KIF16B: variants seen among roughly 807,000 people sequenced by gnomAD.
KIF16B encodes the protein kinesin-like protein KIF16B.
In KIF16B, 98 loss-of-function variants were observed where a neutral mutation model predicts 156.3. The ratio of observed to expected loss-of-function variants is 0.63; its 90% CI spans 0.53 to 0.74. The LOEUF (loss-of-function observed/expected upper bound fraction) is 0.74, where lower values mean the gene tolerates loss of function less well. KIF16B is among the 30% of genes least tolerant of loss of function. The pLI, the probability that KIF16B is intolerant of heterozygous loss-of-function variation, is 0.00. For synonymous variants in KIF16B, 564 were observed against 583.7 expected (o/e 0.97, Z 0.49); for missense variants, 1,421 against 1,606.5 (o/e 0.88, Z 1.97).
At chr20:16,474,030 A>C (rs891266060) in intron 12 of KIF16B, among the ~76,000 whole-genome samples, 1 of 152,036 alleles carries the variant, frequency 6.6e-6, no homozygotes, top group Non-Finnish European at 1.5e-5. Flanking sequence ...CTCCAAGCTC[A>C]CTCAGTGTTC....
At chr20:16,324,218 T>C (rs1486264082) in intron 24 of KIF16B, among the ~76,000 whole-genome samples, 2 of 151,950 alleles carry the variant, frequency 1.3e-5, no homozygotes, top group Non-Finnish European at 2.9e-5. Flanking sequence ...TGTAACAGAT[T>C]TTTACAGGGA....
chr20:16,313,398 G>C (rs2063650343), intron 24 of KIF16B, among the ~76,000 whole-genome samples: 1 of 152,122 alleles, frequency 6.6e-6, no homozygotes, highest in African/African-American at 2.4e-5. Context: ...TTAAAGACTA[G>C]CATCTGTATA....
intron 15 of KIF16B, among the ~76,000 whole-genome samples, chr20:16,423,474 A>C (rs147442998): frequency 4.5e-4 from 69 of 152,292 alleles, no homozygotes; most frequent in African/African-American, 1.6e-3. Context: ...ACACTCAATC[A>C]GGGGAAAACA....
intron 14 of KIF16B, 33 bp downstream of exon 14, chr20:16,428,920 C>A: frequency 1.3e-6 from 2 of 1,588,424 alleles, no homozygotes; most frequent in Admixed American, 1.7e-5. Context: ...CTTAAAAAAT[C>A]ATTGGGAACA....
In KIF16B at chr20:16,512,913, C is replaced by T. The variant is rs1267493328; in HGVS notation, c.359G>A (p.Gly120Asp). The T allele has an allele frequency of 2.5e-6, 4 of 1,607,724 alleles. No individual in the cohort carries two copies. The highest frequency in any genetic ancestry group is 2.6e-6 in the Non-Finnish European group (3 of 1,174,252). Residue 120 changes from glycine (G) to aspartate (D), a missense_variant, in exon 5 of 26, where the codon GGC becomes GAC. By Grantham distance (94) the Gly-to-Asp change is moderately conservative (BLOSUM62 -1). Coordinates refer to ENST00000354981, the MANE Select transcript of KIF16B (RefSeq NM_024704.5). ...YTMMGNSGDS[G>D]LIPRICEGLF... ...TCCTTCACAGATCCGAGGTATTAAG[C>T]CAGAATCTCCCTGCATGGGAAAGAC...
At chr20:16,503,269 TGTG>T (rs932070295) in intron 10 of KIF16B, among the ~76,000 whole-genome samples, 53 of 152,262 alleles carry the variant, frequency 3.5e-4, no homozygotes, top group African/African-American at 1.2e-3. Flanking sequence ...AAATGACTAT[TGTG>T]GTTCATGTTA....
chr20:16,506,226 C>T, intron 7 of KIF16B, 36 bp from the exon 8 acceptor site: 2 of 1,551,534 alleles, frequency 1.3e-6, no homozygotes, highest in Middle Eastern at 1.7e-4. Context: ...TGAAGAGGTG[C>T]AAAGGGCCCT....
At chr20:16,409,187 T>C (rs1053078484) in intron 15 of KIF16B, among the ~76,000 whole-genome samples, 1 of 151,076 alleles carries the variant, frequency 6.6e-6, no homozygotes, top group Non-Finnish European at 1.5e-5. Context: ...TCAAGGGAGG[T>C]GGTGTCTAAA....
At chr20:16,494,477 C>T in intron 11 of KIF16B, 127 bp from the exon 12 acceptor site, 1 of 581,582 alleles carries the variant, frequency 1.7e-6, no homozygotes, top group Non-Finnish European at 3.0e-6. Context: ...GCGACTTTTA[C>T]CCCTGAAAGA....
chr20:16,513,655 CGT>C (rs541777338), intron 4 of KIF16B, among the ~76,000 whole-genome samples: 10 of 103,220 alleles, frequency 9.7e-5, no homozygotes, highest in Non-Finnish European at 1.6e-4. Flanking sequence ...AGCAAAACTA[CGT>C]TTAAAAAAAA....
At chr20:16,356,261 A>C in intron 23 of KIF16B, 69 bp downstream of exon 23, 2 of 1,592,706 alleles carry the variant, frequency 1.3e-6, no homozygotes, top group East Asian at 2.2e-5. Flanking sequence ...CTTTTGAAAA[A>C]ATAAAGACAG....
chr20:16,324,001 T>TA (rs1183800551), intron 24 of KIF16B, among the ~76,000 whole-genome samples: 5 of 152,114 alleles, frequency 3.3e-5, no homozygotes, highest in African/African-American at 1.2e-4. Context: ...CCAGTGAACG[T>TA]AAACTTGAGG....
chr20:16,368,306 G>A (rs1568894060), intron 22 of KIF16B: 3 of 995,262 alleles, frequency 3.0e-6, no homozygotes, highest in East Asian at 1.1e-4. Flanking sequence ...GCCCGGTAAG[G>A]CGCCGCACCC....
rs111706529 is a variant in KIF16B, at chr20:16,277,917, C to A, written c.3796-4506G>T. Among the ~76,000 whole-genome samples the A allele has an allele frequency of 2.7e-3, 411 of 152,326 alleles. 5 individuals are homozygous for A. Among genetic ancestry groups the A allele is most frequent in the African/African-American group, 9.4e-3 (391 of 41,588 alleles). On this transcript the variant is annotated intron_variant, in intron 25 of 25. Coordinates refer to ENST00000354981, the MANE Select transcript of KIF16B (RefSeq NM_024704.5). Reference sequence around the variant, plus strand: ...CCACAGAAGGCCTGCAGCTCTTGTTCACCTGGTGGACAGTGACACACCTGA... The same window carrying A: ...CCACAGAAGGCCTGCAGCTCTTGTTAACCTGGTGGACAGTGACACACCTGA...
At chr20:16,389,616 C>A (rs888273586) in intron 17 of KIF16B, among the ~76,000 whole-genome samples, 32 of 152,338 alleles carry the variant, frequency 2.1e-4, no homozygotes, top group Middle Eastern at 3.4e-3. Flanking sequence ...CACAACTGAG[C>A]AAATCCCATG....
chr20:16,274,343 G>A (rs868287335), intron 25 of KIF16B, among the ~76,000 whole-genome samples: 2 of 152,140 alleles, frequency 1.3e-5, no homozygotes, highest in East Asian at 1.9e-4. Context: ...ATTATCTGCC[G>A]TTTTTGGCAC....
chr20:16,311,692 T>C (rs1410416743), intron 25 of KIF16B, among the ~76,000 whole-genome samples: 1 of 152,180 alleles, frequency 6.6e-6, no homozygotes, highest in South Asian at 2.1e-4. Context: ...AGAAAACAAC[T>C]GGTCCCTGCC....
intron 12 of KIF16B, among the ~76,000 whole-genome samples, chr20:16,460,039 T>G (rs2146669714): frequency 6.6e-6 from 1 of 152,294 alleles, no homozygotes. Flanking sequence ...TAGTATCTTT[T>G]TTCAACAACA....
intron 25 of KIF16B, among the ~76,000 whole-genome samples, chr20:16,279,272 C>T (rs1304947623): frequency 1.3e-5 from 2 of 152,210 alleles, no homozygotes; most frequent in African/African-American, 4.8e-5. Context: ...GCTAATCAAG[C>T]TACTAGCGCT....
Sources: gnomAD v4.1 joint callset for allele counts (sites outside exome capture counted in the v4.1 genomes callset) on GRCh38, gnomAD v4.1.1 for gene constraint, MANE v1.5 for transcripts, NCBI Gene and HGNC (gene_info 2026-07-23, HGNC 2026-07-21) for gene names.